The following ANKIB1 variants were observed in gnomAD, a reference collection of about 807,000 sequenced individuals.
ANKIB1 encodes ankyrin repeat and IBR domain-containing protein 1.
In ANKIB1, 43 loss-of-function variants were observed where a neutral mutation model predicts 122.1. The observed-to-expected ratio is 0.35, with a 90% CI of 0.28 to 0.45. The LOEUF is 0.45. Among genes scored for constraint, ANKIB1 ranks in the 20% least tolerant of loss-of-function variants. ANKIB1 has a pLI of 1.00. For missense variants in ANKIB1, 992 were observed against 1,329.5 expected (o/e 0.75, Z 3.95); for synonymous variants, 390 against 442.0 (o/e 0.88, Z 1.48).
At chr7:92,366,550 A>G (rs899917653) in intron 10 of ANKIB1, among the ~76,000 whole-genome samples, 7 of 152,196 alleles carry the variant, frequency 4.6e-5, no homozygotes, top group African/African-American at 1.7e-4. Context: ...TTAGGTTTAT[A>G]TAGTCCTTCT....
chr7:92,308,196 T>C (rs1802608619), intron 3 of ANKIB1, among the ~76,000 whole-genome samples: 1 of 152,020 alleles, frequency 6.6e-6, no homozygotes, highest in South Asian at 2.1e-4. Flanking sequence ...TAAAGTTATT[T>C]CATTGTTTTA....
At position 92,398,917 on chromosome 7, in the gene ANKIB1, AG is replaced by A; in HGVS notation, c.3239del (p.Ser1080MetfsTer9). 6.3e-7 allele frequency: 1 copy of A among 1,595,152 alleles called. No individual in the cohort carries two copies. Among genetic ancestry groups the A allele is most frequent in the South Asian group, 1.1e-5 (1 of 87,004 alleles). ...DVSSQTPQTS[S>X]DWLEQVHLV is the part of the protein sequence containing the mutation. ...TTCAAGTCAAACACCTCAAACCTCA[AG>A]TGACTGGCTTGAACAAGTACATTTA... is the stretch of plus-strand genomic sequence containing the variant. On this transcript the variant is annotated frameshift_variant, in exon 20 of 20. Transcript: ENST00000265742. LOFTEE classifies it high-confidence loss of function.
chr7:92,305,984 A>G (rs1311074862), intron 2 of ANKIB1, among the ~76,000 whole-genome samples: 1 of 152,046 alleles, frequency 6.6e-6, no homozygotes, highest in African/African-American at 2.4e-5. Context: ...TTCCCCTAGG[A>G]AAATTTGTTT....
At chr7:92,272,526 T>C (rs1024213198) in intron 1 of ANKIB1, among the ~76,000 whole-genome samples, 1 of 152,140 alleles carries the variant, frequency 6.6e-6, no homozygotes, top group East Asian at 1.9e-4. Context: ...AGATTTAGCC[T>C]AAGACTGTAC....
At chr7:92,247,509 C>T (rs1563343063) in intron 1 of ANKIB1, among the ~76,000 whole-genome samples, 1 of 152,162 alleles carries the variant, frequency 6.6e-6, no homozygotes, top group Non-Finnish European at 1.5e-5. Flanking sequence ...TGTTACACAC[C>T]TTGGTGCCTA....
At chr7:92,349,879 C>T (rs1407149007) in intron 7 of ANKIB1, among the ~76,000 whole-genome samples, 2 of 151,818 alleles carry the variant, frequency 1.3e-5, no homozygotes, top group African/African-American at 4.8e-5. Flanking sequence ...TAACTCAGAA[C>T]CCTGCTTTTA....
chr7:92,255,768 G>A (rs1242364408), intron 1 of ANKIB1, among the ~76,000 whole-genome samples: 1 of 152,204 alleles, frequency 6.6e-6, no homozygotes, highest in South Asian at 2.1e-4. Flanking sequence ...CTATTGGGCT[G>A]TCATGTTTTA....
intron 5 of ANKIB1, among the ~76,000 whole-genome samples, chr7:92,339,230 G>A (rs963864196): frequency 1.1e-4 from 16 of 150,946 alleles, no homozygotes; most frequent in Non-Finnish European, 1.6e-4. Flanking sequence ...TTTTAGTAGC[G>A]ATGGGGTTTC....
intron 12 of ANKIB1, 64 bp downstream of exon 12, chr7:92,386,707 G>T: frequency 7.4e-7 from 1 of 1,356,528 alleles, no homozygotes; most frequent in Non-Finnish European, 9.6e-7. Flanking sequence ...GAATTATTTT[G>T]TATTTCTTTT....
rs1325673102 is a variant in ANKIB1 at position 92,400,806 on chromosome 7, C to A, written c.*1857C>A. ...ATTAAATTAGTGGGGGGAATATTAACTTTATCTACAGTGTATTACTGTATA... is the reference window on the plus strand; with the variant it reads ...ATTAAATTAGTGGGGGGAATATTAAATTTATCTACAGTGTATTACTGTATA... On this transcript the variant is annotated 3_prime_UTR_variant, in exon 20 of 20. Coordinates refer to ENST00000265742, the MANE Select transcript of ANKIB1 (RefSeq NM_019004.2). The A allele has an allele frequency of 4.6e-5, 7 of 152,170 alleles. No homozygotes were observed. The highest frequency in any genetic ancestry group is 8.8e-5 in the Non-Finnish European group (6 of 68,030). 9.4% of individuals were successfully genotyped at this position (152,170 alleles called of 1,614,324 possible). A position where few individuals can be genotyped will look rare whatever the true frequency, so the allele number is the denominator to read the frequency against.
chr7:92,261,093 T>C (rs1801552865), intron 1 of ANKIB1, among the ~76,000 whole-genome samples: 1 of 152,142 alleles, frequency 6.6e-6, no homozygotes, highest in Non-Finnish European at 1.5e-5. Flanking sequence ...CTCACGCCTG[T>C]AATCCCAGCA....
At chr7:92,381,204 A>G (rs1379522561) in intron 11 of ANKIB1, among the ~76,000 whole-genome samples, 3 of 152,216 alleles carry the variant, frequency 2.0e-5, no homozygotes, top group Non-Finnish European at 4.4e-5. Context: ...AAGAGTAAAA[A>G]GAAATGAACG....
chr7:92,308,998 C>A (rs894533395), intron 3 of ANKIB1, among the ~76,000 whole-genome samples: 7 of 152,078 alleles, frequency 4.6e-5, no homozygotes, highest in Admixed American at 6.6e-5. Context: ...GATCAATATA[C>A]CAAAAATATG....
chr7:92,298,768 TAAAAAAAA>T lies in ANKIB1; in HGVS notation c.188+3615_188+3622del, dbSNP rs34091044. Among the ~76,000 whole-genome samples the T allele has an allele frequency of 4.3e-5, 5 of 117,626 alleles. No individual in the cohort carries two copies. In the East Asian group the frequency reaches 9.6e-4, roughly 23 times the overall value. The allele number at this position is 117,626 out of a possible 152,430, so 77.2% of individuals were successfully genotyped here. A position where few individuals can be genotyped will look rare whatever the true frequency, so the allele number is the denominator to read the frequency against. On this transcript the variant is annotated intron_variant, in intron 2 of 19. Transcript: ENST00000265742. ...TTCATCACTGTTAGGCACTTGCAGT[TAAAAAAAA>T]AAAAAAAAAAAAGCAGTTTCCCCTA...
In ANKIB1 at chr7:92,399,430, A is replaced by C. The variant is rs571593249; in HGVS notation, c.*481A>C. The C allele has an allele frequency of 5.3e-5, 8 of 152,276 alleles. No homozygotes were observed. The highest frequency in any genetic ancestry group is 1.9e-4 in the African/African-American group (8 of 41,536). The allele number at this position is 152,276 out of a possible 1,614,324, so 9.4% of individuals were successfully genotyped here. On this transcript the variant is annotated 3_prime_UTR_variant, in exon 20 of 20. Transcript: ENST00000265742. Reference sequence around the variant, plus strand: ...ATCTCTTTGTGCTCTTCCATAACTTACTTCCTTTTTGTCTGAGCAATGTGA... The same window carrying C: ...ATCTCTTTGTGCTCTTCCATAACTTCCTTCCTTTTTGTCTGAGCAATGTGA...
rs774182703 is a variant in ANKIB1 at position 92,352,560 on chromosome 7, A to G, written c.1315A>G (p.Asn439Asp). ...AGTAAGACTAACGAAACAAGGGTCA[A>G]ATACATCTGGATCTGATACACTCAG... ...RAVRLTKQGS[N>D]TSGSDTLSFP... The change falls in exon 9 of 20, where the codon AAT (asparagine) becomes GAT (aspartate). Residue 439 changes from asparagine to aspartate, a missense_variant. Asn to Asp is a conservative substitution (Grantham distance 23). This residue lies in a region of ANKIB1 where 521 missense variants were observed against 777.7 expected (regional missense o/e 0.67). Coordinates refer to ENST00000265742, the MANE Select transcript of ANKIB1 (RefSeq NM_019004.2). 191 of 1,613,594 alleles carry G rather than the reference A, an allele frequency of 1.2e-4. No individual in the cohort carries two copies. Among genetic ancestry groups the G allele is most frequent in the Non-Finnish European group, 1.5e-4 (175 of 1,179,818 alleles).
chr7:92,311,725 C>T (rs1011390030), intron 3 of ANKIB1, among the ~76,000 whole-genome samples: 2 of 122,930 alleles, frequency 1.6e-5, no homozygotes, highest in Admixed American at 8.1e-5. Context: ...GCGCCCCCCC[C>T]ACACACACAC....
chr7:92,290,445 C>T (rs1055127617), intron 1 of ANKIB1, among the ~76,000 whole-genome samples: 1 of 150,480 alleles, frequency 6.6e-6, no homozygotes, highest in African/African-American at 2.5e-5. Context: ...GCTTGTTTCT[C>T]TACTGGCTAC....
At chr7:92,325,895 T>A (rs1393976003) in intron 4 of ANKIB1, 4 of 437,106 alleles carry the variant, frequency 9.2e-6, no homozygotes. Flanking sequence ...CGTTTCTTTT[T>A]AATTTAGTTT....
Sources: allele counts gnomAD v4.1 joint callset (sites outside exome capture counted in the v4.1 genomes callset), GRCh38; gene constraint gnomAD v4.1.1; regional missense constraint gnomAD v4.1.1; transcripts MANE v1.5; gene names NCBI Gene and HGNC (gene_info 2026-07-23, HGNC 2026-07-21).